The following ASPH variants were observed in gnomAD, a reference collection of about 807,000 sequenced individuals.
ASPH encodes aspartyl/asparaginyl beta-hydroxylase.
In ASPH, 100 loss-of-function variants were observed where a neutral mutation model predicts 118.4. The ratio of observed to expected loss-of-function variants is 0.84; its 90% CI spans 0.72 to 1.00. The LOEUF (loss-of-function observed/expected upper bound fraction) is 1.00. ASPH is among the 50% of genes least tolerant of loss of function. The pLI, the probability that ASPH is intolerant of heterozygous loss-of-function variation, is 0.00. For missense variants in ASPH, 920 were observed against 919.5 expected (o/e 1.00, Z -0.01); for synonymous variants, 315 against 325.6 (o/e 0.97, Z 0.35).
At chr8:61,623,498 CACTTT>C (rs1166162040) in intron 13 of ASPH, among the ~76,000 whole-genome samples, 2 of 152,100 alleles carry the variant, frequency 1.3e-5, no homozygotes, top group Non-Finnish European at 2.9e-5. Flanking sequence ...TGTGGGTTAT[CACTTT>C]ACTTTGTTGT....
At chr8:61,549,323 A>AT (rs1473004233) in intron 20 of ASPH, among the ~76,000 whole-genome samples, 1 of 152,094 alleles carries the variant, frequency 6.6e-6, no homozygotes, top group East Asian at 1.9e-4. Flanking sequence ...ATCTCATTTG[A>AT]TTTTTCCAAT....
intron 24 of ASPH, among the ~76,000 whole-genome samples, chr8:61,511,853 CTCGGCT>C (rs1371319106): frequency 2.6e-5 from 4 of 152,146 alleles, no homozygotes; most frequent in African/African-American, 9.7e-5. Context: ...ATCCGCCTGC[CTCGGCT>C]TCCCAAAGTA....
chr8:61,685,972 T>C (rs1039783285), intron 1 of ASPH, among the ~76,000 whole-genome samples: 1 of 152,150 alleles, frequency 6.6e-6, no homozygotes, highest in Non-Finnish European at 1.5e-5. Context: ...TTTCACCATA[T>C]TGGCCAGGCT....
At chr8:61,702,017 C>T (rs1835348631) in intron 1 of ASPH, among the ~76,000 whole-genome samples, 1 of 152,086 alleles carries the variant, frequency 6.6e-6, no homozygotes, top group African/African-American at 2.4e-5. Context: ...TTACAAGAAG[C>T]ACTAAAACCA....
intron 21 of ASPH, among the ~76,000 whole-genome samples, chr8:61,535,472 G>A (rs1299733270): frequency 5.3e-5 from 8 of 152,154 alleles, no homozygotes; most frequent in South Asian, 2.1e-4. Context: ...AAGAGGCATC[G>A]AGAAAACAGA....
intron 14 of ASPH, among the ~76,000 whole-genome samples, chr8:61,602,215 G>C (rs775592803): frequency 6.6e-6 from 1 of 151,286 alleles, no homozygotes; most frequent in South Asian, 2.1e-4. Flanking sequence ...TTATCAAAAT[G>C]TTAGCAAATC....
At chr8:61,520,170 C>G (rs1391355069) in intron 22 of ASPH, among the ~76,000 whole-genome samples, 2 of 152,176 alleles carry the variant, frequency 1.3e-5, no homozygotes, top group Non-Finnish European at 2.9e-5. Flanking sequence ...GTCAAGAGCA[C>G]AGATTCTGGG....
intron 3 of ASPH, chr8:61,656,555 G>T (rs1246496543): frequency 6.6e-6 from 1 of 152,100 alleles, no homozygotes; most frequent in East Asian, 1.9e-4. Context: ...AGAGGAACAG[G>T]GTGTCCACAG....
intron 14 of ASPH, among the ~76,000 whole-genome samples, chr8:61,615,254 C>T (rs779729392): frequency 5.9e-5 from 9 of 152,126 alleles, no homozygotes; most frequent in Admixed American, 1.3e-4. Flanking sequence ...CCCCAAGTCT[C>T]GGAACTCTTC....
At chr8:61,653,211 A>T (rs1020816842) in intron 4 of ASPH, among the ~76,000 whole-genome samples, 3 of 152,210 alleles carry the variant, frequency 2.0e-5, no homozygotes, top group Non-Finnish European at 2.9e-5. Context: ...CTATTAAATC[A>T]CGTGACAAAT....
intron 1 of ASPH, among the ~76,000 whole-genome samples, chr8:61,707,344 C>G (rs1048173209): frequency 5.9e-5 from 9 of 152,160 alleles, no homozygotes; most frequent in African/African-American, 1.9e-4. Flanking sequence ...CAAGGCTACT[C>G]TTACCAGTAA....
At chr8:61,513,206 A>G (rs1204384724) in intron 24 of ASPH, among the ~76,000 whole-genome samples, 2 of 152,238 alleles carry the variant, frequency 1.3e-5, no homozygotes, top group African/African-American at 4.8e-5. Context: ...TAGCACAAGG[A>G]AACTGATTTC....
chr8:61,629,447 G>A (rs1164835461), intron 13 of ASPH, among the ~76,000 whole-genome samples: 1 of 152,180 alleles, frequency 6.6e-6, no homozygotes, highest in Non-Finnish European at 1.5e-5. Context: ...AAAACTATGA[G>A]TTTAAGGAGA....
rs369973872 is a variant in ASPH, at chr8:61,548,301, C to T, written c.1627-93G>A. The T allele has an allele frequency of 1.5e-4, 201 of 1,366,424 alleles. 1 individual carries two copies. The African/African-American group carries it at 2.3e-3, about 16-fold the overall frequency. The allele number at this position is 1,366,424 out of a possible 1,614,324, so 84.6% of individuals were successfully genotyped here. On this transcript the variant is annotated intron_variant, in intron 20 of 24. Coordinates refer to ENST00000379454, the MANE Select transcript of ASPH (RefSeq NM_004318.4). ...TGAAAACATTAAAAATAAGGTATTA[C>T]TTTGACACATTTAAATAAAGAGCTT...
In ASPH at chr8:61,576,922, A is replaced by C. The variant is rs537764424; in HGVS notation, c.1063-64T>G. The C allele has an allele frequency of 1.9e-5, 26 of 1,361,684 alleles. No individual in the cohort carries two copies. The African/African-American group carries it at 3.1e-4, about 16-fold the overall frequency. 84.4% of individuals were successfully genotyped at this position (1,361,684 alleles called of 1,614,324 possible). A position where few individuals can be genotyped will look rare whatever the true frequency, so the allele number is the denominator to read the frequency against. On this transcript the variant is annotated intron_variant, in intron 15 of 24. Transcript: ENST00000379454. ...AAATGAATAATCAATCAATATTGTT[A>C]TTTAATATTCAGCAAGTGGTTTTGT... is the stretch of plus-strand genomic sequence containing the variant.
intron 15 of ASPH, among the ~76,000 whole-genome samples, chr8:61,582,380 T>C (rs1029199007): frequency 1.3e-5 from 2 of 152,184 alleles, no homozygotes; most frequent in African/African-American, 2.4e-5. Flanking sequence ...TTTTTATATA[T>C]GACATTTAGT....
At chr8:61,622,686 A>T (rs1186013367) in intron 13 of ASPH, among the ~76,000 whole-genome samples, 2 of 152,056 alleles carry the variant, frequency 1.3e-5, no homozygotes, top group Non-Finnish European at 2.9e-5. Flanking sequence ...CCTCCCTCCA[A>T]TGGCTTCCAC....
rs373846066 is a variant in ASPH at position 61,518,019 on chromosome 8, A to G, written c.1992+13T>C. The G allele has an allele frequency of 2.2e-5, 35 of 1,603,998 alleles. No individual in the cohort carries two copies. Among genetic ancestry groups the G allele is most frequent in the Non-Finnish European group, 2.9e-5 (34 of 1,171,530 alleles). On this transcript the variant is annotated intron_variant, in intron 23 of 24. Coordinates refer to ENST00000379454, the MANE Select transcript of ASPH (RefSeq NM_004318.4). ...AATTAATTGTATTCTCCCCAGCACG[A>G]CACTCTTGGTACCTGTCCTCTTCTG...
intron 1 of ASPH, among the ~76,000 whole-genome samples, chr8:61,701,720 G>A (rs1302129883): frequency 1.3e-5 from 2 of 152,052 alleles, no homozygotes; most frequent in Non-Finnish European, 2.9e-5. Flanking sequence ...CATGAAGAAA[G>A]TTCAATTTTT....
Sources: allele counts gnomAD v4.1 joint callset (sites outside exome capture counted in the v4.1 genomes callset), GRCh38; gene constraint gnomAD v4.1.1; transcripts MANE v1.5; gene names NCBI Gene and HGNC (gene_info 2026-07-23, HGNC 2026-07-21).